The following ARHGAP28 variants were observed in gnomAD, a reference collection of about 807,000 sequenced individuals.
ARHGAP28 encodes the protein rho GTPase-activating protein 28.
A neutral mutation model predicts 90.7 loss-of-function variants in ARHGAP28; 56 were observed. That is an observed-to-expected ratio of 0.62 (90% CI 0.50 to 0.77). The LOEUF is 0.77. Ranked by LOEUF, ARHGAP28 falls within the 30% of genes least tolerant of loss-of-function variation. The probability of loss-of-function intolerance (pLI) is 0.00; values close to 1 mark genes in which losing one functional copy is unlikely to be tolerated. For synonymous variants in ARHGAP28, 308 were observed against 323.3 expected, an observed-to-expected ratio of 0.95 and a Z score of 0.51; for missense variants, 869 against 900.9, an observed-to-expected ratio of 0.96 and a Z score of 0.45.
chr18:6,903,660 G>A (rs1021188720), intron 16 of ARHGAP28, among the ~76,000 whole-genome samples: 4 of 151,596 alleles, frequency 2.6e-5, no homozygotes, highest in Non-Finnish European at 4.4e-5. Context: ...GTGAAATGCC[G>A]TCTCTACTAA....
intron 1 of ARHGAP28, among the ~76,000 whole-genome samples, chr18:6,735,580 G>C (rs1431340453): frequency 6.7e-6 from 1 of 148,630 alleles, no homozygotes; most frequent in Admixed American, 6.7e-5. Context: ...TTTGAGCCAA[G>C]GTCTTGCACT....
At chr18:6,864,515 A>G (rs2057023183) in intron 5 of ARHGAP28, among the ~76,000 whole-genome samples, 1 of 152,236 alleles carries the variant, frequency 6.6e-6, no homozygotes, top group South Asian at 2.1e-4. Context: ...GTGTGTACAC[A>G]TATACATGCA....
intron 1 of ARHGAP28, among the ~76,000 whole-genome samples, chr18:6,753,364 G>T (rs1013323061): frequency 6.6e-6 from 1 of 152,004 alleles, no homozygotes. Context: ...CTATTTTATC[G>T]AATGCAAAGT....
intron 1 of ARHGAP28, among the ~76,000 whole-genome samples, chr18:6,806,698 G>C (rs995223925): frequency 6.6e-6 from 1 of 151,956 alleles, no homozygotes; most frequent in Non-Finnish European, 1.5e-5. Flanking sequence ...TGAACTTACT[G>C]TTCCTTATGC....
intron 17 of ARHGAP28, among the ~76,000 whole-genome samples, chr18:6,909,653 A>C: frequency 6.6e-6 from 1 of 152,162 alleles, no homozygotes; most frequent in South Asian, 2.1e-4. Flanking sequence ...TCTGCAAAAC[A>C]AAGAGAATAC....
rs1378367089 is a variant in ARHGAP28 at position 6,827,763 on chromosome 18, C to T, written c.325+2799C>T. On this transcript the variant is annotated intron_variant, in intron 2 of 17. Transcript: ENST00000383472. ...TTTCTCAGATGGGGCGGTTGCCAGG[C>T]GGAGGGTCTCCTCACTTCTCAGACG... Among the ~76,000 whole-genome samples, 8 of 151,688 alleles carry T rather than the reference C, an allele frequency of 5.3e-5. No individual in the cohort carries two copies. In the South Asian group the frequency reaches 6.3e-4, roughly 12 times the overall value.
At chr18:6,777,075 A>T (rs1749307700) in intron 1 of ARHGAP28, among the ~76,000 whole-genome samples, 2 of 152,186 alleles carry the variant, frequency 1.3e-5, no homozygotes, top group South Asian at 4.1e-4. Flanking sequence ...TTTTGTCAAC[A>T]TGACTCTTGC....
At chr18:6,901,913 C>T (rs905504746) in intron 16 of ARHGAP28, among the ~76,000 whole-genome samples, 1 of 152,158 alleles carries the variant, frequency 6.6e-6, no homozygotes, top group Non-Finnish European at 1.5e-5. Context: ...TGCCATGCCT[C>T]CCGCATAACT....
At chr18:6,889,867 C>A in intron 12 of ARHGAP28, 21 bp from the exon 13 acceptor site, 1 of 1,610,888 alleles carries the variant, frequency 6.2e-7, no homozygotes, top group Non-Finnish European at 8.5e-7. Context: ...AATTGTATGA[C>A]ACAATGCTGT....
intron 1 of ARHGAP28, among the ~76,000 whole-genome samples, chr18:6,784,641 G>C (rs2056352373): frequency 6.6e-6 from 1 of 152,188 alleles, no homozygotes; most frequent in African/African-American, 2.4e-5. Flanking sequence ...ATTTAGTGAA[G>C]GGATGAAGAC....
chr18:6,781,012 C>G (rs2056320034), intron 1 of ARHGAP28, among the ~76,000 whole-genome samples: 1 of 152,202 alleles, frequency 6.6e-6, no homozygotes, highest in Non-Finnish European at 1.5e-5. Flanking sequence ...GCCCCCACTT[C>G]TGACGGACAG....
chr18:6,783,365 G>A lies in ARHGAP28; in HGVS notation c.123-41397G>A, dbSNP rs576998075. 1.3e-4 allele frequency among the ~76,000 whole-genome samples: 19 copies of A among 150,804 alleles called. 1 individual carries two copies. Among genetic ancestry groups the A allele is most frequent in the Admixed American group, 3.3e-4 (5 of 15,098 alleles). Reference sequence around the variant, plus strand: ...TACCAAGGCTGGAGTGCAATGGCGCGATCTCAGCTCACTGCAACCTCTGCC... The same window carrying A: ...TACCAAGGCTGGAGTGCAATGGCGCAATCTCAGCTCACTGCAACCTCTGCC... On this transcript the variant is annotated intron_variant, in intron 1 of 17. Transcript: ENST00000383472.
At position 6,841,193 on chromosome 18, in the gene ARHGAP28, CTCTCTCTCTCCTCTCCT is replaced by C. The variant is rs1169704533; in HGVS notation, c.543+3780_543+3796del. Among the ~76,000 whole-genome samples the C allele has an allele frequency of 6.0e-4, 37 of 61,304 alleles. 1 individual carries two copies. The highest frequency in any genetic ancestry group is 3.1e-3 in the East Asian group (7 of 2,286). 40.2% of individuals were successfully genotyped at this position (61,304 alleles called of 152,430 possible). The stretch of plus-strand genomic sequence containing the variant: ...CTCTCTCTCTCTCCTCTCTCTCTCT[CTCTCTCTCTCCTCTCCT>C]CTCTCTCTCTCTCCCCCCAACCCGC... On this transcript the variant is annotated intron_variant, in intron 3 of 17. Transcript: ENST00000383472.
intron 2 of ARHGAP28, among the ~76,000 whole-genome samples, chr18:6,825,975 A>C (rs1272816965): frequency 6.6e-6 from 1 of 152,178 alleles, no homozygotes; most frequent in East Asian, 1.9e-4. Context: ...TATACCCAGT[A>C]ATGGGATTGC....
chr18:6,859,995 T>TA (rs1440152338), intron 5 of ARHGAP28, 98 bp downstream of exon 5: 8 of 1,025,320 alleles, frequency 7.8e-6, no homozygotes, highest in Admixed American at 2.1e-5. Flanking sequence ...TTTAAAACAT[T>TA]AAAAAATACT....
intron 1 of ARHGAP28, among the ~76,000 whole-genome samples, chr18:6,735,226 C>G (rs1017769881): frequency 2.6e-5 from 4 of 152,208 alleles, no homozygotes; most frequent in African/African-American, 9.6e-5. Context: ...TCTGCGTAAC[C>G]TTTACCCAGA....
chr18:6,759,247 A>G (rs945804301), intron 1 of ARHGAP28, among the ~76,000 whole-genome samples: 1 of 151,688 alleles, frequency 6.6e-6, no homozygotes, highest in Non-Finnish European at 1.5e-5. Flanking sequence ...AAGAGTTGGT[A>G]GGAAAATTTG....
At chr18:6,748,448 G>C (rs1357527794) in intron 1 of ARHGAP28, among the ~76,000 whole-genome samples, 1 of 152,158 alleles carries the variant, frequency 6.6e-6, no homozygotes, top group Non-Finnish European at 1.5e-5. Flanking sequence ...TCGAGTGACT[G>C]CTGTGTTGGA....
intron 15 of ARHGAP28, among the ~76,000 whole-genome samples, 199 bp from the exon 16 acceptor site, chr18:6,896,303 G>T (rs2057304244): frequency 6.6e-6 from 1 of 152,204 alleles, no homozygotes; most frequent in African/African-American, 2.4e-5. Context: ...TGCAGTGAAA[G>T]TAAAAACCCA....
Sources: allele counts gnomAD v4.1 joint callset (sites outside exome capture counted in the v4.1 genomes callset), GRCh38; gene constraint gnomAD v4.1.1; transcripts MANE v1.5; gene names NCBI Gene and HGNC (gene_info 2026-07-23, HGNC 2026-07-21).